The following MTA3 variants were observed in gnomAD, a reference collection of about 807,000 sequenced individuals.
MTA3 encodes metastasis-associated protein MTA3.
In MTA3, 34 loss-of-function variants were observed where a neutral mutation model predicts 83.5. That is an observed-to-expected ratio of 0.41 (90% confidence interval 0.31 to 0.54). MTA3 has a LOEUF of 0.54. MTA3 is among the 20% of genes least tolerant of loss of function. MTA3 has a pLI of 0.33. For synonymous variants in MTA3, 303 were observed against 252.7 expected (o/e 1.20, Z -1.89); for missense variants, 761 against 726.4 (o/e 1.05, Z -0.55).
chr2:42,685,698 A>G (rs1692312148), intron 9 of MTA3, among the ~76,000 whole-genome samples: 1 of 152,220 alleles, frequency 6.6e-6, no homozygotes. Flanking sequence ...TTGAAGGGCC[A>G]GTCCATATTA....
At chr2:42,665,480 C>T (rs1690155632) in intron 8 of MTA3, among the ~76,000 whole-genome samples, 2 of 152,188 alleles carry the variant, frequency 1.3e-5, no homozygotes, top group South Asian at 4.1e-4. Context: ...TCCTTAGAAC[C>T]AAGGAAATCC....
chr2:42,549,430 A>T (rs1251894100), intron 2 of MTA3, among the ~76,000 whole-genome samples: 7 of 108,270 alleles, frequency 6.5e-5, no homozygotes, highest in African/African-American at 1.1e-4. Flanking sequence ...TATAATATAT[A>T]ATATATACGT....
chr2:42,603,543 G>A (rs1040549203), intron 3 of MTA3, among the ~76,000 whole-genome samples: 5 of 152,130 alleles, frequency 3.3e-5, no homozygotes, highest in African/African-American at 1.2e-4. Flanking sequence ...ATCCTGATTT[G>A]CTATAGAATA....
chr2:42,514,682 C>CGTTTTTTTTTTTTTT (rs1201134677), intron 2 of MTA3, among the ~76,000 whole-genome samples: 1 of 53,486 alleles, frequency 1.9e-5, no homozygotes, highest in East Asian at 6.0e-4. Context: ...CGCCCAGCCC[C>CGTTTTTTTTTTTTTT]TTTTTTTTTT....
chr2:42,667,614 A>T (rs879766568), intron 8 of MTA3, among the ~76,000 whole-genome samples: 13,566 of 50,830 alleles, frequency 0.27, 891 homozygotes, highest in South Asian at 0.4. Context: ...GTGTGTATAG[A>T]GAGAGAAAGA....
At chr2:42,560,782 C>T (rs1677640248) in intron 2 of MTA3, among the ~76,000 whole-genome samples, 1 of 151,880 alleles carries the variant, frequency 6.6e-6, no homozygotes, top group Non-Finnish European at 1.5e-5. Context: ...TGGCGCATGC[C>T]TGTAATCCCA....
intron 2 of MTA3, among the ~76,000 whole-genome samples, chr2:42,558,957 A>G (rs1207884409): frequency 6.6e-6 from 1 of 151,956 alleles, no homozygotes; most frequent in African/African-American, 2.4e-5. Context: ...TGGAGCAGCT[A>G]GAGTAGAGAA....
intron 4 of MTA3, among the ~76,000 whole-genome samples, chr2:42,619,499 C>G (rs1685289880): frequency 1.3e-5 from 2 of 152,058 alleles, no homozygotes; most frequent in South Asian, 2.1e-4. Context: ...TCTGTAAAAC[C>G]TCTACATACA....
At chr2:42,588,010 C>T (rs1009734101) in intron 3 of MTA3, among the ~76,000 whole-genome samples, 1 of 151,842 alleles carries the variant, frequency 6.6e-6, no homozygotes, top group African/African-American at 2.4e-5. Flanking sequence ...GTTCATAAGG[C>T]TCAGAGTCTT....
chr2:42,613,187 C>G (rs1573278423), intron 4 of MTA3, among the ~76,000 whole-genome samples: 1 of 152,168 alleles, frequency 6.6e-6, no homozygotes, highest in Non-Finnish European at 1.5e-5. Context: ...CTGTTGAACA[C>G]ATTTCCTGAG....
chr2:42,656,285 G>A lies in MTA3; in HGVS notation c.585G>A (p.Gln195=). ...CACTTACGGATCGACAGATTGACCA[G>A]TTTTTAGTTGTAGCACGGTGAGTAT... ...NSPLTDRQID[Q]FLVVARAVGT... Residue 195 remains glutamine, a synonymous_variant, in exon 7 of 17, where the codon CAG becomes CAA. Transcript: ENST00000405094. The A allele has an allele frequency of 6.2e-7, 1 of 1,613,204 alleles. No homozygotes were observed. The highest frequency in any genetic ancestry group is 8.5e-7 in the Non-Finnish European group (1 of 1,179,314).
intron 9 of MTA3, among the ~76,000 whole-genome samples, chr2:42,683,504 G>A (rs929907721): frequency 2.0e-5 from 3 of 152,050 alleles, no homozygotes; most frequent in Admixed American, 1.3e-4. Flanking sequence ...GGTGCATTAC[G>A]TTTATTGTGC....
intron 4 of MTA3, among the ~76,000 whole-genome samples, chr2:42,622,644 T>C (rs922173010): frequency 6.6e-6 from 1 of 152,150 alleles, no homozygotes; most frequent in Non-Finnish European, 1.5e-5. Flanking sequence ...AGGAATCTTT[T>C]TAAAAAAATT....
At chr2:42,554,101 G>T (rs1443089244) in intron 2 of MTA3, among the ~76,000 whole-genome samples, 2 of 151,930 alleles carry the variant, frequency 1.3e-5, no homozygotes, top group African/African-American at 4.8e-5. Context: ...AGATGCTGTG[G>T]TGCATGCCTG....
intron 8 of MTA3, among the ~76,000 whole-genome samples, chr2:42,665,173 G>T (rs1375198645): frequency 6.6e-6 from 1 of 152,152 alleles, no homozygotes; most frequent in Non-Finnish European, 1.5e-5. Context: ...GCCAAGGCAG[G>T]TGGGTCAAAG....
Position 42,640,290 on chromosome 2 carries a change from C to G in MTA3, c.381+54C>G, listed in dbSNP as rs1239835458. On this transcript the variant is annotated intron_variant, in intron 5 of 16. Coordinates refer to ENST00000405094, the MANE Select transcript of MTA3 (RefSeq NM_001330442.2). ...TTTTCTCCCTTTATTTCACATGAAG[C>G]TCTTTCCTTGGAATTTATTTCTTTT... is the stretch of plus-strand genomic sequence containing the variant. 1.8e-5 allele frequency: 22 copies of G among 1,237,700 alleles called. No individual in the cohort carries two copies. In the East Asian group the frequency reaches 5.1e-4, roughly 28 times the overall value. 76.7% of individuals were successfully genotyped at this position (1,237,700 alleles called of 1,614,324 possible).
intron 16 of MTA3, among the ~76,000 whole-genome samples, chr2:42,738,283 C>T (rs562112586): frequency 1.3e-4 from 20 of 152,030 alleles, no homozygotes; most frequent in African/African-American, 2.7e-4. Context: ...ACAGAGAGAC[C>T]GGCTGAAACC....
intron 2 of MTA3, among the ~76,000 whole-genome samples, chr2:42,553,712 G>A (rs1376690584): frequency 2.0e-5 from 3 of 151,246 alleles, no homozygotes; most frequent in African/African-American, 7.3e-5. Flanking sequence ...TCCAGCCTGG[G>A]CAACAAGAGC....
chr2:42,718,888 TTG>T, intron 14 of MTA3, 98 bp from the exon 15 acceptor site: 6 of 849,318 alleles, frequency 7.1e-6, no homozygotes, highest in Non-Finnish European at 1.1e-5. Flanking sequence ...GGTGGCTATT[TTG>T]TACTGTTTTC....
Sources: allele counts gnomAD v4.1 joint callset (sites outside exome capture counted in the v4.1 genomes callset), GRCh38; gene constraint gnomAD v4.1.1; transcripts MANE v1.5; gene names NCBI Gene and HGNC (gene_info 2026-07-23, HGNC 2026-07-21).